Variants in DLGAP4 observed in about 807,000 individuals in gnomAD.
The protein encoded by DLGAP4 is disks large-associated protein 4.
In DLGAP4, 18 loss-of-function variants were observed where a neutral mutation model predicts 86.9. The ratio of observed to expected loss-of-function variants is 0.21; its 90% CI spans 0.14 to 0.31. DLGAP4 has a LOEUF of 0.31. Ranked by LOEUF, DLGAP4 falls within the 10% of genes least tolerant of loss-of-function variation. The probability of loss-of-function intolerance (pLI) is 1.00; values close to 1 mark genes in which losing one functional copy is unlikely to be tolerated. For synonymous variants in DLGAP4, 548 were observed against 574.3 expected (o/e 0.95, Z 0.65); for missense variants, 1,085 against 1,362.6 (o/e 0.80, Z 3.21).
intron 7 of DLGAP4, among the ~76,000 whole-genome samples, chr20:36,455,668 AG>A (rs2033861115): frequency 1.3e-5 from 2 of 152,154 alleles, no homozygotes; most frequent in South Asian, 4.1e-4. Context: ...GGGGACCCAC[AG>A]GTACCTCCCA....
chr20:36,522,447 C>T (rs2037434345), intron 10 of DLGAP4, among the ~76,000 whole-genome samples: 3 of 152,078 alleles, frequency 2.0e-5, no homozygotes, highest in Admixed American at 6.6e-5. Flanking sequence ...AGGTCTGAGC[C>T]ACTATGCCCA....
intron 10 of DLGAP4, among the ~76,000 whole-genome samples, chr20:36,510,192 G>A (rs2036613206): frequency 6.6e-6 from 1 of 152,014 alleles, no homozygotes; most frequent in Non-Finnish European, 1.5e-5. Flanking sequence ...CTTACGCAGG[G>A]GTATGTTTCT....
chr20:36,327,002 T>C (rs2065221751), intron 1 of DLGAP4, among the ~76,000 whole-genome samples: 2 of 143,750 alleles, frequency 1.4e-5, no homozygotes, highest in Non-Finnish European at 3.0e-5. Flanking sequence ...TTCTCTTTTT[T>C]TTTTTTTTTT....
intron 7 of DLGAP4, among the ~76,000 whole-genome samples, chr20:36,494,984 G>GTTTTTTTTTTTTTTTTTT (rs752411826): frequency 4.0e-5 from 3 of 75,390 alleles, no homozygotes; most frequent in African/African-American, 5.4e-5. Flanking sequence ...TTTTTGTTCG[G>GTTTTTTTTTTTTTTTTTT]TTTTTTTTTT....
intron 10 of DLGAP4, among the ~76,000 whole-genome samples, chr20:36,517,300 C>T (rs2037103244): frequency 6.6e-6 from 1 of 152,104 alleles, no homozygotes; most frequent in Admixed American, 6.6e-5. Flanking sequence ...ATTGCATGAA[C>T]CTGGGAGGTG....
chr20:36,462,405 C>T, intron 7 of DLGAP4: 1 of 1,460,842 alleles, frequency 6.8e-7, no homozygotes, highest in Non-Finnish European at 8.9e-7. Context: ...GTGCCTCTTG[C>T]GCTGAAGGCC....
chr20:36,372,695 G>T (rs1481042421), intron 2 of DLGAP4, among the ~76,000 whole-genome samples: 1 of 152,126 alleles, frequency 6.6e-6, no homozygotes, highest in East Asian at 1.9e-4. Context: ...TATGCATTTT[G>T]CAAGTAAGTT....
At chr20:36,522,635 C>T (rs1049778578) in intron 10 of DLGAP4, among the ~76,000 whole-genome samples, 1 of 152,212 alleles carries the variant, frequency 6.6e-6, no homozygotes, top group Non-Finnish European at 1.5e-5. Context: ...TCTCCTATCT[C>T]AGCCTCCCAA....
chr20:36,437,673 A>G (rs1390612412), intron 4 of DLGAP4, among the ~76,000 whole-genome samples: 2 of 152,164 alleles, frequency 1.3e-5, no homozygotes, highest in Admixed American at 6.5e-5. Flanking sequence ...TAGATCTTCA[A>G]CTAGGGGGGA....
At chr20:36,470,480 A>G (rs1312907946) in intron 7 of DLGAP4, among the ~76,000 whole-genome samples, 2 of 151,772 alleles carry the variant, frequency 1.3e-5, no homozygotes, top group African/African-American at 4.8e-5. Flanking sequence ...GCATCTCTGG[A>G]TACGTTTTGC....
intron 10 of DLGAP4, among the ~76,000 whole-genome samples, chr20:36,520,190 G>A (rs1225262519): frequency 6.6e-6 from 1 of 152,192 alleles, no homozygotes; most frequent in East Asian, 1.9e-4. Flanking sequence ...ATCTATCTTT[G>A]GAGAACTATC....
intron 1 of DLGAP4, among the ~76,000 whole-genome samples, chr20:36,336,408 G>A (rs539292743): frequency 1.3e-5 from 2 of 152,052 alleles, no homozygotes; most frequent in East Asian, 1.9e-4. Flanking sequence ...GTTAAATGTC[G>A]CCTCCTCAAA....
intron 1 of DLGAP4, among the ~76,000 whole-genome samples, chr20:36,333,865 C>T (rs2065294908): frequency 1.3e-5 from 2 of 152,218 alleles, no homozygotes; most frequent in South Asian, 4.1e-4. Context: ...CCACTCCCTG[C>T]CATTATGGAG....
intron 2 of DLGAP4, among the ~76,000 whole-genome samples, chr20:36,379,775 C>G (rs938597969): frequency 6.6e-6 from 1 of 152,198 alleles, no homozygotes; most frequent in African/African-American, 2.4e-5. Context: ...CACTTGACCT[C>G]CCTCCCTAAG....
chr20:36,490,946 G>A (rs947468188), intron 7 of DLGAP4, among the ~76,000 whole-genome samples: 6 of 151,080 alleles, frequency 4.0e-5, no homozygotes, highest in African/African-American at 1.5e-4. Flanking sequence ...TGTAATCCCA[G>A]CACTTTGGGA....
intron 10 of DLGAP4, among the ~76,000 whole-genome samples, chr20:36,522,508 T>G (rs1247598691): frequency 6.6e-6 from 1 of 152,050 alleles, no homozygotes; most frequent in Non-Finnish European, 1.5e-5. Context: ...AAGAGATTAT[T>G]GGGTATGCTC....
At chr20:36,386,779 T>A (rs144359727) in intron 2 of DLGAP4, among the ~76,000 whole-genome samples, 1 of 152,346 alleles carries the variant, frequency 6.6e-6, no homozygotes, top group East Asian at 1.9e-4. Context: ...AGGGACGAAG[T>A]CTCACTGTGT....
intron 7 of DLGAP4, chr20:36,461,751 G>GGGCCCCCC: frequency 1.1e-4 from 65 of 618,464 alleles, no homozygotes; most frequent in South Asian, 1.8e-4. Context: ...CCGTCCGTCC[G>GGGCCCCCC]CCCGCCCGCC....
chr20:36,488,143 T>C (rs2035499114), intron 7 of DLGAP4, among the ~76,000 whole-genome samples: 1 of 144,616 alleles, frequency 6.9e-6, no homozygotes, highest in Admixed American at 7.2e-5. Context: ...GAGGTTGCAG[T>C]AAGCCAAGAT....
Sources: allele counts gnomAD v4.1 joint callset (sites outside exome capture counted in the v4.1 genomes callset), GRCh38; gene constraint gnomAD v4.1.1; transcripts MANE v1.5; gene names NCBI Gene and HGNC (gene_info 2026-07-23, HGNC 2026-07-21).